Variants in STOX2 observed in about 807,000 individuals in gnomAD.
STOX2 encodes the protein storkhead-box protein 2.
Under a neutral mutation model 60.9 loss-of-function variants are expected in STOX2, and 28 were observed. The observed-to-expected ratio is 0.46, with a 90% CI of 0.34 to 0.63. STOX2 has a LOEUF of 0.63. Ranked by LOEUF, STOX2 falls within the 30% of genes least tolerant of loss-of-function variation. The pLI, the probability that STOX2 is intolerant of heterozygous loss-of-function variation, is 0.01. For synonymous variants in STOX2, 472 were observed against 463.9 expected (o/e 1.02, Z -0.22); for missense variants, 1,024 against 1,187.7 (o/e 0.86, Z 2.03).
At chr4:183,953,786 G>A (rs930130034) in intron 1 of STOX2, among the ~76,000 whole-genome samples, 3 of 151,878 alleles carry the variant, frequency 2.0e-5, no homozygotes, top group African/African-American at 7.3e-5. Flanking sequence ...GGCTGGTCTT[G>A]AACTCCTGAC....
intron 1 of STOX2, among the ~76,000 whole-genome samples, chr4:183,956,378 A>G (rs1743247646): frequency 1.4e-5 from 2 of 141,180 alleles, no homozygotes; most frequent in South Asian, 4.2e-4. Context: ...CTATCTATCT[A>G]TCTATCTATC....
At chr4:183,868,311 A>T (rs1306607904) in intron 1 of STOX2, among the ~76,000 whole-genome samples, 1 of 152,218 alleles carries the variant, frequency 6.6e-6, no homozygotes, top group Non-Finnish European at 1.5e-5. Flanking sequence ...CTGTAACCGC[A>T]GCACTGTGGG....
chr4:183,952,716 A>G (rs537028221), intron 1 of STOX2, among the ~76,000 whole-genome samples: 21 of 152,356 alleles, frequency 1.4e-4, no homozygotes, highest in Middle Eastern at 3.4e-3. Flanking sequence ...ATGTCACATT[A>G]GTTTGGGAAA....
chr4:183,914,067 A>G (rs918735236), intron 1 of STOX2, among the ~76,000 whole-genome samples: 2 of 152,246 alleles, frequency 1.3e-5, no homozygotes, highest in African/African-American at 4.8e-5. Flanking sequence ...GGTACTACCC[A>G]GAATGAACCC....
At chr4:183,980,589 C>CTGGTCATGCTGAGTTCAGCT (rs1732626020) in intron 1 of STOX2, among the ~76,000 whole-genome samples, 1 of 152,120 alleles carries the variant, frequency 6.6e-6, no homozygotes, top group Non-Finnish European at 1.5e-5. Context: ...CAAATTCAGC[C>CTGGTCATGCTGAGTTCAGCT]TGGTCATGCT....
chr4:183,945,129 T>C (rs1420092681), intron 1 of STOX2, among the ~76,000 whole-genome samples: 1 of 152,210 alleles, frequency 6.6e-6, no homozygotes, highest in Admixed American at 6.5e-5. Flanking sequence ...TTTCATTCTT[T>C]TCTGTAGGAA....
Position 183,906,657 on chromosome 4 carries a change from A to T in STOX2, c.-134A>T. 1 of 1,013,316 alleles carries T rather than the reference A, an allele frequency of 9.9e-7. No homozygotes were observed. Among genetic ancestry groups the T allele is most frequent in the Non-Finnish European group, 1.4e-6 (1 of 721,884 alleles). The allele number at this position is 1,013,316 out of a possible 1,614,324, so 62.8% of individuals were successfully genotyped here. A position where few individuals can be genotyped will look rare whatever the true frequency, so the allele number is the denominator to read the frequency against. Reference sequence around the variant, plus strand: ...GCCGGACCCGCCGCTGGCGGTGTAGACGCCGACGAGGAGGGGCTGGGAAAA... The same window carrying T: ...GCCGGACCCGCCGCTGGCGGTGTAGTCGCCGACGAGGAGGGGCTGGGAAAA... On this transcript the variant is annotated 5_prime_UTR_variant, in exon 1 of 4. Transcript: ENST00000308497.
chr4:183,904,967 A>G (rs1741546897), upstream of STOX2, among the ~76,000 whole-genome samples: 1 of 152,240 alleles, frequency 6.6e-6, no homozygotes, highest in African/African-American at 2.4e-5. Context: ...AAACAACAGC[A>G]TAAATATGAT....
chr4:183,849,248 G>T (rs903291601), intron 1 of STOX2, among the ~76,000 whole-genome samples: 1 of 152,206 alleles, frequency 6.6e-6, no homozygotes, highest in Non-Finnish European at 1.5e-5. Flanking sequence ...TGGAGTTGGG[G>T]AATTAGGAGC....
At chr4:183,929,163 G>C (rs1314803645) in intron 1 of STOX2, among the ~76,000 whole-genome samples, 1 of 152,184 alleles carries the variant, frequency 6.6e-6, no homozygotes, top group African/African-American at 2.4e-5. Flanking sequence ...TCAAAAACAT[G>C]GAGATTTGCT....
intron 1 of STOX2, among the ~76,000 whole-genome samples, chr4:183,880,690 C>T (rs1487943732): frequency 1.3e-5 from 2 of 152,154 alleles, no homozygotes; most frequent in Non-Finnish European, 2.9e-5. Flanking sequence ...AAAGATGGAG[C>T]CAGCAAAGTT....
At chr4:184,014,020 C>T (rs1200256730) in intron 3 of STOX2, 3 of 151,602 alleles carry the variant, frequency 2.0e-5, no homozygotes, top group African/African-American at 7.3e-5. Context: ...TAGGCATGAG[C>T]CACCATGCCC....
intron 1 of STOX2, among the ~76,000 whole-genome samples, chr4:183,967,297 C>T (rs1178542479): frequency 6.7e-6 from 1 of 148,672 alleles, no homozygotes; most frequent in African/African-American, 2.5e-5. Context: ...ACCCGGGAGG[C>T]GGAGGTTGCA....
chr4:183,947,082 G>C (rs963879120), intron 1 of STOX2, among the ~76,000 whole-genome samples: 24 of 38,180 alleles, frequency 6.3e-4, no homozygotes, highest in South Asian at 4.6e-3. Flanking sequence ...ATCCTGGTGG[G>C]GGGTGGGGCA....
At chr4:183,895,315 G>T (rs1329981108) in intron 1 of STOX2, among the ~76,000 whole-genome samples, 1 of 152,210 alleles carries the variant, frequency 6.6e-6, no homozygotes, top group African/African-American at 2.4e-5. Context: ...TGAGGGACAT[G>T]AAGTAGATAC....
At chr4:183,885,597 T>C (rs1741061082) in intron 1 of STOX2, among the ~76,000 whole-genome samples, 2 of 152,178 alleles carry the variant, frequency 1.3e-5, no homozygotes, top group African/African-American at 4.8e-5. Context: ...AGGAAATGCC[T>C]CAGCTTCTGG....
chr4:183,970,138 A>ATG (rs1560911311), intron 1 of STOX2, among the ~76,000 whole-genome samples: 2 of 39,794 alleles, frequency 5.0e-5, no homozygotes, highest in African/African-American at 8.8e-5. Context: ...AACTACATGT[A>ATG]CGTGTGTGTG....
At position 184,020,265 on chromosome 4, in the gene STOX2, C is replaced by T. The variant is rs577062016; in HGVS notation, c.*2981C>T. The stretch of plus-strand genomic sequence containing the variant: ...ATCGCCATGGCTTTCTCTTACGCCG[C>T]TGTTTGGCTTTCAGATGTAATCCTG... On this transcript the variant is annotated 3_prime_UTR_variant, in exon 4 of 4. Coordinates refer to ENST00000308497, the MANE Select transcript of STOX2 (RefSeq NM_020225.3). 1 of 152,246 alleles carries T rather than the reference C, an allele frequency of 6.6e-6. No homozygotes were observed. The highest frequency in any genetic ancestry group is 6.5e-5 in the Admixed American group (1 of 15,294). The allele number at this position is 152,246 out of a possible 1,614,324, so 9.4% of individuals were successfully genotyped here. A position where few individuals can be genotyped will look rare whatever the true frequency, so the allele number is the denominator to read the frequency against.
At chr4:183,967,623 T>G (rs1428377233) in intron 1 of STOX2, among the ~76,000 whole-genome samples, 1 of 152,104 alleles carries the variant, frequency 6.6e-6, no homozygotes, top group Non-Finnish European at 1.5e-5. Flanking sequence ...TTAGATAACT[T>G]GTTGTGTGCT....
Sources: gnomAD v4.1 joint callset for allele counts (sites outside exome capture counted in the v4.1 genomes callset) on GRCh38, gnomAD v4.1.1 for gene constraint, MANE v1.5 for transcripts, NCBI Gene and HGNC (gene_info 2026-07-23, HGNC 2026-07-21) for gene names.